ZFHX3: variants seen among roughly 807,000 people sequenced by gnomAD.
The protein encoded by ZFHX3 is zinc finger homeobox 3, also known as zinc finger homeobox protein 3.
In ZFHX3, 42 loss-of-function variants were observed where a neutral mutation model predicts 279.1. That is an observed-to-expected ratio of 0.15 (90% CI 0.12 to 0.19). The LOEUF is 0.19. Among genes scored for constraint, ZFHX3 ranks in the 10% least tolerant of loss-of-function variants. The probability of loss-of-function intolerance (pLI) is 1.00; values close to 1 mark genes in which losing one functional copy is unlikely to be tolerated. For synonymous variants in ZFHX3, 2,293 were observed against 1,957.8 expected, an observed-to-expected ratio of 1.17 and a Z score of -4.52; for missense variants, 4,981 against 4,754.0, an observed-to-expected ratio of 1.05 and a Z score of -1.40.
chr16:73,475,652 T>C (rs1350414150), intron 2 of ZFHX3, among the ~76,000 whole-genome samples: 6 of 152,106 alleles, frequency 3.9e-5, no homozygotes, highest in Non-Finnish European at 8.8e-5. Flanking sequence ...ACTTCCTCAA[T>C]TGAATGTTAC....
In ZFHX3 at chr16:72,957,828, G is replaced by C. The variant is rs755455411; in HGVS notation, c.2318C>G (p.Ala773Gly). Residue 773 changes from alanine (A) to glycine (G), a missense_variant, in exon 2 of 10, where the codon GCG becomes GGG. Physicochemically the swap from Ala to Gly is moderately conservative, Grantham distance 60 (BLOSUM62 0). Around this residue, in one of 7 missense-constraint regions of ZFHX3, gnomAD observed 1,751 missense variants for 1,770.0 expected, o/e 0.99. Coordinates refer to ENST00000268489, the MANE Select transcript of ZFHX3 (RefSeq NM_006885.4). ...CGCCGCCGCAGCCACCGCCGCCGCCGCCGCCCCGGCAGTGTGGCTGAAGAC... is the reference window on the plus strand; with the variant it reads ...CGCCGCCGCAGCCACCGCCGCCGCCCCCGCCCCGGCAGTGTGGCTGAAGAC... ...EQVFSHTAGA[A>G]AAAVAAAAAA... 1 of 1,610,790 alleles carries C rather than the reference G, an allele frequency of 6.2e-7. No homozygotes were observed. The highest frequency in any genetic ancestry group is 1.1e-5 in the South Asian group (1 of 90,982).
At chr16:73,144,859 G>A in intron 5 of ZFHX3, among the ~76,000 whole-genome samples, 1 of 152,136 alleles carries the variant, frequency 6.6e-6, no homozygotes, top group East Asian at 1.9e-4. Context: ...CACATCTCAA[G>A]CTGACATTCC....
intron 7 of ZFHX3, among the ~76,000 whole-genome samples, chr16:73,097,036 G>A (rs1315567016): frequency 6.6e-6 from 1 of 151,612 alleles, no homozygotes; most frequent in African/African-American, 2.4e-5. Context: ...CTCTTTCTCT[G>A]TCTCTCTCCC....
At chr16:73,479,203 AG>A (rs2018822883) in intron 2 of ZFHX3, among the ~76,000 whole-genome samples, 1 of 152,210 alleles carries the variant, frequency 6.6e-6, no homozygotes, top group African/African-American at 2.4e-5. Context: ...AGAGATGTTC[AG>A]AAAAATAAGT....
chr16:73,886,211 A>C (rs1042853815), intron 1 of ZFHX3, among the ~76,000 whole-genome samples: 7 of 152,198 alleles, frequency 4.6e-5, no homozygotes, highest in Admixed American at 1.3e-4. Flanking sequence ...TTTTTAAAAA[A>C]TAAAATGCAT....
intron 1 of ZFHX3, among the ~76,000 whole-genome samples, chr16:73,778,323 T>A (rs1177642773): frequency 1.3e-5 from 2 of 151,052 alleles, no homozygotes; most frequent in Non-Finnish European, 2.9e-5. Flanking sequence ...TCACTTACCA[T>A]TTGGGCATTT....
At chr16:73,509,439 G>A (rs1344874116) in intron 2 of ZFHX3, among the ~76,000 whole-genome samples, 1 of 150,654 alleles carries the variant, frequency 6.6e-6, no homozygotes, top group African/African-American at 2.4e-5. Context: ...AGTTCTGCAT[G>A]ATGTGGGCTC....
chr16:72,794,383 C>T lies in ZFHX3; in HGVS notation c.8299G>A (p.Gly2767Arg), dbSNP rs967750771. Residue 2767 changes from glycine (G) to arginine (R), a missense_variant, in exon 9 of 10, where the codon GGA becomes AGA. Gly to Arg is a moderately radical substitution (Grantham distance 125, BLOSUM62 -2). Coordinates refer to ENST00000268489, the MANE Select transcript of ZFHX3 (RefSeq NM_006885.4). The surrounding 1 kb of genome is among the most constrained non-coding windows in gnomAD (Gnocchi z 4.2). ...GLQMKGDIFDGTSFSHLPPSS... is the reference protein window; with the variant it reads ...GLQMKGDIFDRTSFSHLPPSS... ...GGGGGTAGGTGGGAAAAGCTAGTTC[C>T]GTCAAAAATATCTCCTTTCATCTGG... 5 of 1,604,236 alleles carry T rather than the reference C, an allele frequency of 3.1e-6. No individual in the cohort carries two copies. Among genetic ancestry groups the T allele is most frequent in the Admixed American group, 3.4e-5 (2 of 59,248 alleles).
chr16:72,796,363 G>A lies in ZFHX3; in HGVS notation c.6319C>T (p.Leu2107=), dbSNP rs140817813. The A allele has an allele frequency of 6.2e-7, 1 of 1,613,922 alleles. No homozygotes were observed. Among genetic ancestry groups the A allele is most frequent in the East Asian group, 2.2e-5 (1 of 44,850 alleles). Residue 2107 remains leucine, a synonymous_variant, in exon 9 of 10, where the codon CTG becomes TTG. Coordinates refer to ENST00000268489, the MANE Select transcript of ZFHX3 (RefSeq NM_006885.4). The part of the protein sequence containing the change: ...FSPLMMQTMP[L]QTLPAQLPPQ... ...GGTAGCTGAGCCGGCAAGGTCTGCAGCGGCATCGTCTGCATCATCAGCGGC... is the reference window on the plus strand; with the variant it reads ...GGTAGCTGAGCCGGCAAGGTCTGCAACGGCATCGTCTGCATCATCAGCGGC...
At chr16:72,896,408 A>C (rs1384670779) in intron 3 of ZFHX3, among the ~76,000 whole-genome samples, 1 of 152,174 alleles carries the variant, frequency 6.6e-6, no homozygotes. Context: ...CTCACTGAGA[A>C]GAACACAGCA....
At chr16:73,361,366 T>C (rs1261477158) in intron 3 of ZFHX3, among the ~76,000 whole-genome samples, 1 of 152,254 alleles carries the variant, frequency 6.6e-6, no homozygotes, top group African/African-American at 2.4e-5. Context: ...CCTGCAAAGA[T>C]GCTTTGGCTT....
At chr16:73,531,707 C>T (rs546071761) in intron 2 of ZFHX3, among the ~76,000 whole-genome samples, 100 of 132,900 alleles carry the variant, frequency 7.5e-4, no homozygotes, top group Middle Eastern at 3.7e-3. Context: ...AGACCAAAAC[C>T]CTGTCTCAAA....
At chr16:73,879,762 A>G (rs754312747) in intron 1 of ZFHX3, among the ~76,000 whole-genome samples, 2 of 152,084 alleles carry the variant, frequency 1.3e-5, no homozygotes, top group Non-Finnish European at 2.9e-5. Flanking sequence ...TTGGGGCCAG[A>G]TAATTACTGT....
chr16:72,945,905 AC>A (rs772159814), intron 3 of ZFHX3, among the ~76,000 whole-genome samples: 2 of 151,674 alleles, frequency 1.3e-5, no homozygotes, highest in Admixed American at 1.3e-4. Context: ...TCTTCCTAAG[AC>A]CCCCACTTCC....
intron 5 of ZFHX3, among the ~76,000 whole-genome samples, chr16:73,245,486 A>AG (rs1490469436): frequency 6.6e-6 from 1 of 152,212 alleles, no homozygotes; most frequent in Non-Finnish European, 1.5e-5. Context: ...CACTCAATCC[A>AG]GGCATGTTGG....
chr16:73,035,755 G>A (rs1964876620), intron 1 of ZFHX3, among the ~76,000 whole-genome samples: 2 of 152,086 alleles, frequency 1.3e-5, no homozygotes, highest in Admixed American at 1.3e-4. Context: ...AATTAGCCGG[G>A]CATGGTGGAA....
At chr16:73,449,557 G>A (rs748587104) in intron 3 of ZFHX3, among the ~76,000 whole-genome samples, 1 of 151,834 alleles carries the variant, frequency 6.6e-6, no homozygotes, top group African/African-American at 2.4e-5. Context: ...GCCTAATAAA[G>A]GTAAATAAAA....
chr16:73,737,718 G>C (rs1001267926), intron 1 of ZFHX3, among the ~76,000 whole-genome samples: 27 of 151,944 alleles, frequency 1.8e-4, no homozygotes, highest in African/African-American at 6.3e-4. Context: ...ACATTATATA[G>C]TAAAGTTTCA....
At chr16:72,908,792 G>C (rs2039249536) in intron 3 of ZFHX3, among the ~76,000 whole-genome samples, 1 of 152,340 alleles carries the variant, frequency 6.6e-6, no homozygotes, top group Non-Finnish European at 1.5e-5. Flanking sequence ...TCATCATGAG[G>C]AACGATGATG....
Sources: allele counts gnomAD v4.1 joint callset (sites outside exome capture counted in the v4.1 genomes callset), GRCh38; gene constraint gnomAD v4.1.1; regional missense constraint gnomAD v4.1.1; non-coding constraint Gnocchi (gnomAD v3.1); transcripts MANE v1.5; gene names NCBI Gene and HGNC (gene_info 2026-07-23, HGNC 2026-07-21).